Variants in BBX observed in about 807,000 individuals in gnomAD.
The protein encoded by BBX is BBX high mobility group box domain containing, also known as HMG box transcription factor BBX.
In BBX, 30 loss-of-function variants were observed where a neutral mutation model predicts 100.2. The observed-to-expected ratio is 0.30, with a 90% CI of 0.22 to 0.41. The LOEUF (loss-of-function observed/expected upper bound fraction) is 0.41. Ranked by LOEUF, BBX falls within the 10% of genes least tolerant of loss-of-function variation. BBX has a pLI of 1.00. For missense variants in BBX, 1,023 were observed against 1,129.8 expected (o/e 0.91, Z 1.35); for synonymous variants, 376 against 388.1 (o/e 0.97, Z 0.37).
intron 9 of BBX, among the ~76,000 whole-genome samples, chr3:107,752,914 G>C (rs1459484530): frequency 6.6e-6 from 1 of 152,196 alleles, no homozygotes; most frequent in East Asian, 1.9e-4. Context: ...GTATCTGAAA[G>C]GATGTATATA....
intron 2 of BBX, among the ~76,000 whole-genome samples, chr3:107,537,813 A>G (rs1352365593): frequency 6.6e-6 from 1 of 152,200 alleles, no homozygotes; most frequent in African/African-American, 2.4e-5. Context: ...TTTAGATTAA[A>G]ACTTTGTTTC....
intron 2 of BBX, among the ~76,000 whole-genome samples, chr3:107,532,718 C>T (rs2048244829): frequency 6.6e-6 from 1 of 152,158 alleles, no homozygotes; most frequent in Non-Finnish European, 1.5e-5. Context: ...TACACATTGA[C>T]ACAAAAATTT....
At chr3:107,686,511 T>C (rs2059857765) in intron 3 of BBX, among the ~76,000 whole-genome samples, 1 of 152,170 alleles carries the variant, frequency 6.6e-6, no homozygotes, top group Non-Finnish European at 1.5e-5. Context: ...AAAACTGTTT[T>C]GGAAGATAGT....
chr3:107,702,834 G>A (rs1224398349), intron 3 of BBX, among the ~76,000 whole-genome samples: 1 of 152,188 alleles, frequency 6.6e-6, no homozygotes, highest in Admixed American at 6.5e-5. Flanking sequence ...CTTTCATAGA[G>A]AGGGAGAATG....
chr3:107,567,449 A>T lies in BBX; in HGVS notation c.-84+41051A>T, dbSNP rs532004305. Among the ~76,000 whole-genome samples, 33 of 152,058 alleles carry T rather than the reference A, an allele frequency of 2.2e-4. No homozygotes were observed. The South Asian group carries it at 6.8e-3, about 32-fold the overall frequency. On this transcript the variant is annotated intron_variant, in intron 2 of 17. Coordinates refer to ENST00000325805, the MANE Select transcript of BBX (RefSeq NM_001142568.3). ...TTGTTAAGTATATAGATAATTGGTG[A>T]TTGTTATCCACTTGTGGAAGGTTAT...
chr3:107,610,608 C>T (rs1257998882), intron 2 of BBX, among the ~76,000 whole-genome samples: 1 of 151,906 alleles, frequency 6.6e-6, no homozygotes, highest in Non-Finnish European at 1.5e-5. Flanking sequence ...TCTTCTTTGT[C>T]TCTTCTTCTA....
At chr3:107,691,303 C>A (rs965686966) in intron 3 of BBX, among the ~76,000 whole-genome samples, 8 of 152,100 alleles carry the variant, frequency 5.3e-5, no homozygotes, top group Admixed American at 4.6e-4. Context: ...CATGAAGAAT[C>A]TTTTGTAAAT....
At chr3:107,620,022 A>G (rs2055621207) in intron 2 of BBX, among the ~76,000 whole-genome samples, 1 of 151,706 alleles carries the variant, frequency 6.6e-6, no homozygotes, top group Admixed American at 6.6e-5. Flanking sequence ...AGTGACATGG[A>G]TTTTAGTTCT....
chr3:107,571,021 G>A (rs1332080630), intron 2 of BBX, among the ~76,000 whole-genome samples: 1 of 152,110 alleles, frequency 6.6e-6, no homozygotes, highest in Non-Finnish European at 1.5e-5. Context: ...AGTTTGTATT[G>A]GGGCCAAGCG....
At chr3:107,751,266 A>G (rs1463468180) in intron 9 of BBX, among the ~76,000 whole-genome samples, 1 of 152,206 alleles carries the variant, frequency 6.6e-6, no homozygotes, top group Non-Finnish European at 1.5e-5. Flanking sequence ...ATACACTTAA[A>G]GAGAAGTGGG....
chr3:107,616,503 G>C (rs1004920014), intron 2 of BBX, among the ~76,000 whole-genome samples: 4 of 152,078 alleles, frequency 2.6e-5, no homozygotes, highest in African/African-American at 9.7e-5. Context: ...CCCACCAGCA[G>C]TATATGAATG....
chr3:107,718,252 A>G (rs903216179), intron 5 of BBX, among the ~76,000 whole-genome samples: 5 of 147,494 alleles, frequency 3.4e-5, no homozygotes, highest in African/African-American at 1.2e-4. Context: ...TATAACTATT[A>G]TAATAGTATT....
chr3:107,796,864 T>C (rs969499095), intron 15 of BBX, among the ~76,000 whole-genome samples: 2 of 152,206 alleles, frequency 1.3e-5, no homozygotes, highest in South Asian at 2.1e-4. Context: ...GGAATAGATC[T>C]GCAATCTAAA....
At position 107,747,985 on chromosome 3, in the gene BBX, C is replaced by T; in HGVS notation, c.771C>T (p.His257=). ...QFAEISSSTS[H]SDASTKQCQT... ...TTCAGATATCTTCAAGTACGTCCCA[C>T]TCTGATGCTTCTACAAAGCAGTGTC... The change falls in exon 9 of 18, where the codon CAC becomes CAT. Residue 257 remains histidine, a synonymous_variant. Transcript: ENST00000325805. 6.2e-7 allele frequency: 1 copy of T among 1,613,424 alleles called. No individual in the cohort carries two copies. The highest frequency in any genetic ancestry group is 8.5e-7 in the Non-Finnish European group (1 of 1,179,628).
chr3:107,747,222 C>T (rs9853274), intron 8 of BBX, among the ~76,000 whole-genome samples: 17,578 of 150,928 alleles, frequency 0.12, 1,366 homozygotes, highest in Non-Finnish European at 0.17. Context: ...CACACACTAA[C>T]GTGTGAGTGT....
intron 4 of BBX, chr3:107,716,356 T>C: frequency 2.4e-6 from 1 of 417,492 alleles, no homozygotes. Flanking sequence ...TAAGCAATTA[T>C]AACACAATGT....
At chr3:107,786,211 G>A (rs560983932) in intron 13 of BBX, among the ~76,000 whole-genome samples, 4 of 152,120 alleles carry the variant, frequency 2.6e-5, no homozygotes, top group Non-Finnish European at 5.9e-5. Context: ...TGGATTGGAG[G>A]ACTTCTTATT....
chr3:107,584,606 G>A (rs1003205005), intron 2 of BBX, among the ~76,000 whole-genome samples: 2 of 148,756 alleles, frequency 1.3e-5, no homozygotes, highest in African/African-American at 2.5e-5. Context: ...GATGATGGGT[G>A]CAGAATTGAT....
rs1476428093 is a variant in BBX, at chr3:107,584,034, AATTATATAT to A, written c.-84+57657_-84+57665del. ...TATTATACATATTATTATATATATTAATTATATATATTATATATATTATATATATCATAT... is the reference window on the plus strand; with the variant it reads ...TATTATACATATTATTATATATATTAATTATATATATTATATATATCATAT... On this transcript the variant is annotated intron_variant, in intron 2 of 17. Transcript: ENST00000325805. 5.8e-4 allele frequency among the ~76,000 whole-genome samples: 33 copies of A among 57,022 alleles called. 1 individual carries two copies. The highest frequency in any genetic ancestry group is 8.2e-4 in the African/African-American group (10 of 12,254). 37.4% of individuals were successfully genotyped at this position (57,022 alleles called of 152,430 possible). A position where few individuals can be genotyped will look rare whatever the true frequency, so the allele number is the denominator to read the frequency against.
Sources: allele counts gnomAD v4.1 joint callset (sites outside exome capture counted in the v4.1 genomes callset), GRCh38; gene constraint gnomAD v4.1.1; transcripts MANE v1.5; gene names NCBI Gene and HGNC (gene_info 2026-07-23, HGNC 2026-07-21).